Variants in PIGB observed in about 807,000 individuals in gnomAD.
The protein encoded by PIGB is phosphatidylinositol glycan anchor biosynthesis class B, also known as GPI alpha-1,2-mannosyltransferase 3.
PIGB carries 58 observed loss-of-function variants against 68.4 expected under a neutral mutation model. That is an observed-to-expected ratio of 0.85 (90% CI 0.69 to 1.06). The LOEUF (loss-of-function observed/expected upper bound fraction) is 1.06. PIGB is among the 50% of genes least tolerant of loss of function. PIGB has a pLI of 0.00. For missense variants in PIGB, 634 were observed against 655.8 expected, an observed-to-expected ratio of 0.97 and a Z score of 0.36; for synonymous variants, 219 against 220.5, an observed-to-expected ratio of 0.99 and a Z score of 0.06.
In PIGB at chr15:55,350,888, C is replaced by T. The variant is rs1447600509; in HGVS notation, c.1313C>T (p.Pro438Leu). ...TCAGCTTCAATATTTATAATGATGC[C>T]TTGCCACTCTACTCCTTATTACAGG... ...KSSASIFIMMPCHSTPYYSHV... is the reference protein window; with the variant it reads ...KSSASIFIMMLCHSTPYYSHV... Residue 438 changes from proline to leucine, a missense_variant, in exon 10 of 12, where the codon CCT (proline) becomes CTT (leucine). Pro to Leu is a moderately conservative substitution (Grantham distance 98, BLOSUM62 -3). Transcript: ENST00000164305. 1 of 1,590,290 alleles carries T rather than the reference C, an allele frequency of 6.3e-7. No individual in the cohort carries two copies.
intron 9 of PIGB, among the ~76,000 whole-genome samples, chr15:55,347,978 AGTTT>A (rs1438727008): frequency 5.9e-5 from 8 of 135,314 alleles, no homozygotes; most frequent in Non-Finnish European, 1.1e-4. Context: ...CTAGTGCCAT[AGTTT>A]CTTTTTTTTT....
At chr15:55,355,192 T>G (rs2056049522) in intron 11 of PIGB, 94 bp from the exon 12 acceptor site, 1 of 1,041,984 alleles carries the variant, frequency 9.6e-7, no homozygotes. Context: ...CAAAAAGTTG[T>G]AGACAGCAAT....
intron 9 of PIGB, among the ~76,000 whole-genome samples, chr15:55,343,846 C>G (rs11635743): frequency 6.6e-6 from 1 of 152,128 alleles, no homozygotes; most frequent in Admixed American, 6.5e-5. Flanking sequence ...ACTCTAATTC[C>G]TAGGAGATTT....
chr15:55,352,512 C>T (rs1173102499), intron 10 of PIGB, among the ~76,000 whole-genome samples: 1 of 152,124 alleles, frequency 6.6e-6, no homozygotes, highest in Non-Finnish European at 1.5e-5. Flanking sequence ...CCAGGCTGGG[C>T]GTTGTGGCTC....
At chr15:55,335,092 T>C (rs1036751102) in intron 6 of PIGB, among the ~76,000 whole-genome samples, 1 of 152,212 alleles carries the variant, frequency 6.6e-6, no homozygotes, top group Admixed American at 6.5e-5. Context: ...CATACTATCA[T>C]GCTGTATAGG....
intron 9 of PIGB, among the ~76,000 whole-genome samples, chr15:55,342,841 G>T (rs1016585583): frequency 3.9e-5 from 6 of 152,058 alleles, no homozygotes; most frequent in African/African-American, 1.4e-4. Flanking sequence ...ACATTGGTTG[G>T]TTTGGAAAAA....
Position 55,341,731 on chromosome 15 carries a change from A to G in PIGB, c.1059-7A>G, listed in dbSNP as rs767954950. The G allele has an allele frequency of 7.6e-7, 1 of 1,319,104 alleles. No individual in the cohort carries two copies. Among genetic ancestry groups the G allele is most frequent in the Middle Eastern group, 2.5e-4 (1 of 4,076 alleles). The allele number at this position is 1,319,104 out of a possible 1,614,324, so 81.7% of individuals were successfully genotyped here. The stretch of plus-strand genomic sequence containing the variant: ...ATATTTTTTAATAATATTTGTTTTT[A>G]TTACAGCATGTTGAGCCACAAAGAA... On this transcript the variant is annotated splice_polypyrimidine_tract_variant and splice_region_variant and intron_variant, in intron 8 of 11. Coordinates refer to ENST00000164305, the MANE Select transcript of PIGB (RefSeq NM_004855.5).
chr15:55,355,085 C>G lies in PIGB; in HGVS notation c.1518+107C>G, dbSNP rs908003075. 9 of 1,016,674 alleles carry G rather than the reference C, an allele frequency of 8.9e-6. No individual in the cohort carries two copies. In the African/African-American group the frequency reaches 1.3e-4, roughly 15 times the overall value. The allele number at this position is 1,016,674 out of a possible 1,614,324, so 63.0% of individuals were successfully genotyped here. A position where few individuals can be genotyped will look rare whatever the true frequency, so the allele number is the denominator to read the frequency against. On this transcript the variant is annotated intron_variant, in intron 11 of 11. Transcript: ENST00000164305. ...TAACCTTTTTATGGTCTGTTTCAAC[C>G]CACATTTCATAATTAGTCTTTTCTC...
intron 4 of PIGB, among the ~76,000 whole-genome samples, chr15:55,328,686 G>T (rs2141174501): frequency 6.6e-6 from 1 of 152,282 alleles, no homozygotes; most frequent in South Asian, 2.1e-4. Context: ...ACAGCACTAG[G>T]GCCGGGCATG....
chr15:55,340,792 G>T lies in PIGB; in HGVS notation c.1027G>T (p.Val343Leu), dbSNP rs745391085. The change falls in exon 8 of 12, where the codon GTG (valine) becomes TTG (leucine). Residue 343 changes from valine (V) to leucine (L), a missense_variant. By Grantham distance (32) the Val-to-Leu change is conservative. Transcript: ENST00000164305. Reference protein sequence around the residue: ...LAPKRYRILLVTVLWTLLVYS... With the variant: ...LAPKRYRILLLTVLWTLLVYS... ...ACCAAAGAGATACCGGATACTTTTG[G>T]TGACTGTGCTGTGGACACTGCTTGT... 6.2e-7 allele frequency: 1 copy of T among 1,609,402 alleles called. No homozygotes were observed. Among genetic ancestry groups the T allele is most frequent in the African/African-American group, 1.3e-5 (1 of 74,858 alleles).
At position 55,333,852 on chromosome 15, in the gene PIGB, AT is replaced by A; in HGVS notation, c.654-11del. The A allele has an allele frequency of 6.5e-7, 1 of 1,532,162 alleles. No individual in the cohort carries two copies. The highest frequency in any genetic ancestry group is 8.8e-7 in the Non-Finnish European group (1 of 1,137,264). The allele number at this position is 1,532,162 out of a possible 1,614,324, so 94.9% of individuals were successfully genotyped here. Reference sequence around the variant, plus strand: ...TAATTTCCCACTTGTCTTATCACACATTTTCCTCTTATAGTGTCAAATACTC... The same window carrying A: ...TAATTTCCCACTTGTCTTATCACACATTTCCTCTTATAGTGTCAAATACTC... On this transcript the variant is annotated splice_polypyrimidine_tract_variant and intron_variant, in intron 5 of 11. Transcript: ENST00000164305.
chr15:55,333,925 C>T lies in PIGB; in HGVS notation c.712C>T (p.Leu238=). 1 of 1,609,188 alleles carries T rather than the reference C, an allele frequency of 6.2e-7. No homozygotes were observed. The highest frequency in any genetic ancestry group is 8.5e-7 in the Non-Finnish European group (1 of 1,177,526). Residue 238 remains leucine (L), a synonymous_variant, in exon 6 of 12, where the codon CTG becomes TTG. Coordinates refer to ENST00000164305, the MANE Select transcript of PIGB (RefSeq NM_004855.5). ...CATAATTCGTCCCACAGCTGTCATTCTGTGGACACCTTTGCTCTTCAGACA... is the reference window on the plus strand; with the variant it reads ...CATAATTCGTCCCACAGCTGTCATTTTGTGGACACCTTTGCTCTTCAGACA... ...AFIIRPTAVI[L]WTPLLFRHFC... is the part of the protein sequence containing the mutation.
chr15:55,350,846 A>G lies in PIGB; in HGVS notation c.1271A>G (p.Asn424Ser). Residue 424 changes from asparagine to serine, a missense_variant, in exon 10 of 12, where the codon AAC (asparagine) becomes AGC (serine). Asn to Ser is a conservative substitution (Grantham distance 46). Transcript: ENST00000164305. ...VMSHIQKVCY[N>S]NPNKSSASIF... The stretch of plus-strand genomic sequence containing the variant: ...AGTCATATTCAAAAAGTTTGTTACA[A>G]CAATCCCAATAAATCTTCAGCTTCA... 1 of 1,610,530 alleles carries G rather than the reference A, an allele frequency of 6.2e-7. No homozygotes were observed. The highest frequency in any genetic ancestry group is 1.1e-5 in the South Asian group (1 of 91,018).
In PIGB at chr15:55,354,608, G is replaced by A. The variant is rs1259479428; in HGVS notation, c.1338-190G>A. On this transcript the variant is annotated intron_variant, in intron 10 of 11. Coordinates refer to ENST00000164305, the MANE Select transcript of PIGB (RefSeq NM_004855.5). Reference sequence around the variant, plus strand: ...AGGTTATACTGCTGCTGCTGCATAGGTACATGGTATAAGAATCATGTTTTT... The same window carrying A: ...AGGTTATACTGCTGCTGCTGCATAGATACATGGTATAAGAATCATGTTTTT... The A allele has an allele frequency of 1.6e-5, 9 of 547,010 alleles. No individual in the cohort carries two copies. The East Asian group carries it at 2.9e-4, about 18-fold the overall frequency. The allele number at this position is 547,010 out of a possible 1,614,324, so 33.9% of individuals were successfully genotyped here.
intron 3 of PIGB, among the ~76,000 whole-genome samples, chr15:55,322,176 C>T (rs2055183928): frequency 6.6e-6 from 1 of 151,842 alleles, no homozygotes; most frequent in Admixed American, 6.5e-5. Context: ...CTCCTTCCCC[C>T]ATCCCCCGCA....
chr15:55,320,128 A>G, intron 1 of PIGB, 147 bp from the exon 2 acceptor site: 1 of 561,676 alleles, frequency 1.8e-6, no homozygotes, highest in South Asian at 3.6e-5. Context: ...TGTATAACCA[A>G]CCAAGTTGGC....
intron 6 of PIGB, among the ~76,000 whole-genome samples, chr15:55,337,588 G>A (rs763664447): frequency 6.6e-6 from 1 of 152,174 alleles, no homozygotes; most frequent in East Asian, 1.9e-4. Context: ...CCCGCAACCT[G>A]TTTGTGGGAA....
At chr15:55,341,460 A>G (rs1284846751) in intron 8 of PIGB, among the ~76,000 whole-genome samples, 1 of 152,206 alleles carries the variant, frequency 6.6e-6, no homozygotes, top group Non-Finnish European at 1.5e-5. Context: ...AAATTTGACT[A>G]ATTTCACTTA....
At chr15:55,327,480 T>C in intron 3 of PIGB, 51 bp from the exon 4 acceptor site, 2 of 1,219,034 alleles carry the variant, frequency 1.6e-6, no homozygotes, top group Non-Finnish European at 2.4e-6. Flanking sequence ...ATAATTCAGT[T>C]TGAACCAACA....
Sources: gnomAD v4.1 joint callset for allele counts (sites outside exome capture counted in the v4.1 genomes callset) on GRCh38, gnomAD v4.1.1 for gene constraint, MANE v1.5 for transcripts, NCBI Gene and HGNC (gene_info 2026-07-23, HGNC 2026-07-21) for gene names.